The following QRICH1 variants were observed in gnomAD, a reference collection of about 807,000 sequenced individuals.
QRICH1 encodes glutamine rich 1.
In QRICH1, 16 loss-of-function variants were observed where a neutral mutation model predicts 87.1. That is an observed-to-expected ratio of 0.18 (90% CI 0.12 to 0.28). QRICH1 has a LOEUF of 0.28. Ranked by LOEUF, QRICH1 falls within the 10% of genes least tolerant of loss-of-function variation. QRICH1 has a pLI of 1.00. For synonymous variants in QRICH1, 367 were observed against 368.4 expected (o/e 1.00, Z 0.05); for missense variants, 647 against 951.7 (o/e 0.68, Z 4.21).
chr3:49,044,264 A>T (rs1253309525), intron 6 of QRICH1, 126 bp downstream of exon 6: 2 of 747,008 alleles, frequency 2.7e-6, no homozygotes, highest in Admixed American at 2.5e-5. Flanking sequence ...CACAGTGGCC[A>T]ATGCTGCTGC....
At chr3:49,091,290 T>G (rs2042270426) in intron 1 of QRICH1, among the ~76,000 whole-genome samples, 1 of 151,848 alleles carries the variant, frequency 6.6e-6, no homozygotes, top group South Asian at 2.1e-4. Flanking sequence ...TAAGGCTAAT[T>G]CAGAAATCAG....
intron 2 of QRICH1, among the ~76,000 whole-genome samples, chr3:49,071,298 G>A (rs557776098): frequency 4.6e-5 from 7 of 151,898 alleles, no homozygotes; most frequent in South Asian, 2.1e-4. Context: ...TCTCCTGATC[G>A]GCCTCCCAAA....
At chr3:49,044,098 C>A (rs190019251) in intron 6 of QRICH1, among the ~76,000 whole-genome samples, 1 of 152,132 alleles carries the variant, frequency 6.6e-6, no homozygotes, top group African/African-American at 2.4e-5. Flanking sequence ...GTCCATAATC[C>A]TTAATTGTTA....
At chr3:49,062,711 T>G (rs1242577924) in intron 2 of QRICH1, among the ~76,000 whole-genome samples, 1 of 151,262 alleles carries the variant, frequency 6.6e-6, no homozygotes, top group Non-Finnish European at 1.5e-5. Context: ...TTACTAAGTA[T>G]ATTTTTTAAA....
chr3:49,085,000 G>T (rs1019648097), intron 1 of QRICH1, among the ~76,000 whole-genome samples: 2 of 150,448 alleles, frequency 1.3e-5, no homozygotes, highest in Admixed American at 6.6e-5. Context: ...AAAATTAGCC[G>T]GGTGTGGTGT....
chr3:49,057,766 T>A lies in QRICH1; in HGVS notation c.434A>T (p.Gln145Leu), dbSNP rs1488328138. The A allele has an allele frequency of 6.2e-7, 1 of 1,614,128 alleles. No individual in the cohort carries two copies. Among genetic ancestry groups the A allele is most frequent in the South Asian group, 1.1e-5 (1 of 91,084 alleles). ...VQVQIQGQAP[Q>L]SAAPSIQTPS... ...GGTCTGAATGGAGGGGGCTGCTGAC[T>A]GTGGTGCCTGGCCTTGGATCTGCAC... The change falls in exon 3 of 10, where the codon CAG becomes CTG. Residue 145 changes from glutamine (Q) to leucine (L), a missense_variant. By Grantham distance (113) the Gln-to-Leu change is moderately radical (BLOSUM62 -2). Transcript: ENST00000395443. This position sits in a 1 kb window ranked among gnomAD's most constrained non-coding sequence, Gnocchi z 5.4.
At chr3:49,037,198 C>T (rs1282762863) in intron 6 of QRICH1, among the ~76,000 whole-genome samples, 23 of 151,514 alleles carry the variant, frequency 1.5e-4, no homozygotes, top group Admixed American at 1.5e-3. Flanking sequence ...ATTATGGGCA[C>T]TGTGATCAAA....
chr3:49,067,588 A>T (rs535613493), intron 2 of QRICH1, among the ~76,000 whole-genome samples: 1 of 152,134 alleles, frequency 6.6e-6, no homozygotes, highest in Non-Finnish European at 1.5e-5. Flanking sequence ...ACAAAAAAGA[A>T]ATTAAATGTT....
chr3:49,062,836 T>C (rs1346729166), intron 2 of QRICH1, among the ~76,000 whole-genome samples: 3 of 151,668 alleles, frequency 2.0e-5, no homozygotes, highest in African/African-American at 4.8e-5. Context: ...TGAAACCCCA[T>C]TTCTATTAAA....
intron 1 of QRICH1, chr3:49,093,636 G>C (rs1475245380): frequency 6.1e-6 from 1 of 164,022 alleles, no homozygotes; most frequent in Non-Finnish European, 1.3e-5. Context: ...CGCGCACCGA[G>C]AGCCGCACAG....
intron 6 of QRICH1, chr3:49,033,624 C>T (rs1029827894): frequency 1.3e-5 from 2 of 154,332 alleles, no homozygotes; most frequent in African/African-American, 4.8e-5. Flanking sequence ...CAAAGGTGGT[C>T]CAGGACCCAA....
intron 1 of QRICH1, among the ~76,000 whole-genome samples, chr3:49,078,078 G>A (rs1284301061): frequency 6.6e-6 from 1 of 152,134 alleles, no homozygotes; most frequent in Non-Finnish European, 1.5e-5. Context: ...GTAGCAGCAG[G>A]ATGAAAGAGT....
intron 2 of QRICH1, among the ~76,000 whole-genome samples, chr3:49,075,397 G>A (rs971939618): frequency 3.3e-5 from 5 of 151,186 alleles, no homozygotes; most frequent in Non-Finnish European, 5.9e-5. Flanking sequence ...TTGGGAGCCC[G>A]AGAAGGGCAG....
Position 49,051,699 on chromosome 3 carries a change from G to A in QRICH1, c.1339-4453C>T, listed in dbSNP as rs1168657627. Among the ~76,000 whole-genome samples, 17 of 149,172 alleles carry A rather than the reference G, an allele frequency of 1.1e-4. No homozygotes were observed. In the Admixed American group the frequency reaches 1.2e-3, roughly 10 times the overall value. ...GAGTATTCATTAGCTTCCCTGCCCA[G>A]ATCTATTCTCCTGAGTTACCTCTCT... is the stretch of plus-strand genomic sequence containing the variant. On this transcript the variant is annotated intron_variant, in intron 3 of 9. Transcript: ENST00000395443.
chr3:49,086,401 C>A (rs909701489), intron 1 of QRICH1, among the ~76,000 whole-genome samples: 3 of 151,878 alleles, frequency 2.0e-5, no homozygotes, highest in Non-Finnish European at 4.4e-5. Context: ...GGACTACAGG[C>A]ACCCACCACC....
At chr3:49,031,162 T>G (rs929535213) in intron 9 of QRICH1, among the ~76,000 whole-genome samples, 3 of 151,942 alleles carry the variant, frequency 2.0e-5, no homozygotes, top group African/African-American at 7.3e-5. Flanking sequence ...AATTTTTGTA[T>G]TTTTTAGTAG....
chr3:49,060,609 C>CCTCCCAAAGTGGCCTCCCAAA (rs2093429228), intron 2 of QRICH1, among the ~76,000 whole-genome samples: 1 of 152,012 alleles, frequency 6.6e-6, no homozygotes, highest in African/African-American at 2.4e-5. Flanking sequence ...GGATTATAGG[C>CCTCCCAAAGTGGCCTCCCAAA]GTGAGCCACC....
At chr3:49,074,283 G>A (rs980376352) in intron 2 of QRICH1, among the ~76,000 whole-genome samples, 1 of 152,114 alleles carries the variant, frequency 6.6e-6, no homozygotes, top group African/African-American at 2.4e-5. Context: ...AAATAGAAAG[G>A]AAGCCTCAGA....
chr3:49,054,837 G>C (rs2093391659), intron 3 of QRICH1, among the ~76,000 whole-genome samples: 1 of 152,030 alleles, frequency 6.6e-6, no homozygotes, highest in Non-Finnish European at 1.5e-5. Context: ...AGGAGTTAGA[G>C]GCTACAGTGA....
Sources: gnomAD v4.1 joint callset for allele counts (sites outside exome capture counted in the v4.1 genomes callset) on GRCh38, gnomAD v4.1.1 for gene constraint, Gnocchi (gnomAD v3.1) non-coding constraint, MANE v1.5 for transcripts, NCBI Gene and HGNC (gene_info 2026-07-23, HGNC 2026-07-21) for gene names.